The following ANGPT1 variants were observed in gnomAD, a reference collection of about 807,000 sequenced individuals.
ANGPT1 encodes the protein angiopoietin 1, also known as angiopoietin-1.
A neutral mutation model predicts 62.2 loss-of-function variants in ANGPT1; 17 were observed. The observed-to-expected ratio is 0.27, with a 90% confidence interval of 0.19 to 0.41. The LOEUF (loss-of-function observed/expected upper bound fraction) is 0.41, where lower values mean the gene tolerates loss of function less well. Ranked by LOEUF, ANGPT1 falls within the 10% of genes least tolerant of loss-of-function variation. The pLI, the probability that ANGPT1 is intolerant of heterozygous loss-of-function variation, is 1.00. For synonymous variants in ANGPT1, 199 were observed against 198.9 expected, an observed-to-expected ratio of 1.00 and a Z score of 0.00; for missense variants, 478 against 594.9, an observed-to-expected ratio of 0.80 and a Z score of 2.04.
chr8:107,394,967 T>A lies in ANGPT1; in HGVS notation c.298-47870A>T, dbSNP rs188672894. Among the ~76,000 whole-genome samples, 329 of 152,210 alleles carry A rather than the reference T, an allele frequency of 2.2e-3. 5 individuals carry two copies. Among genetic ancestry groups the A allele is most frequent in the East Asian group, 1.9e-3 (10 of 5,186 alleles). On this transcript the variant is annotated intron_variant, in intron 1 of 8. Coordinates refer to ENST00000517746, the MANE Select transcript of ANGPT1 (RefSeq NM_001146.5). ...GACATAGTGATCCAGTTATTTTTTT[T>A]AAAAAGCAGTAGCTCTCTATCTATA...
intron 2 of ANGPT1, among the ~76,000 whole-genome samples, chr8:107,338,573 A>G (rs767082255): frequency 2.0e-5 from 3 of 152,238 alleles, no homozygotes; most frequent in Non-Finnish European, 4.4e-5. Flanking sequence ...AGCCCGTCTA[A>G]AATGTACTAC....
chr8:107,289,816 T>C (rs917754575), intron 6 of ANGPT1, among the ~76,000 whole-genome samples: 5 of 152,132 alleles, frequency 3.3e-5, no homozygotes, highest in African/African-American at 1.2e-4. Flanking sequence ...CATTAGTCAT[T>C]GCCTACAACA....
chr8:107,345,197 T>TA (rs1177657202), intron 2 of ANGPT1, among the ~76,000 whole-genome samples: 6 of 152,230 alleles, frequency 3.9e-5, no homozygotes, highest in African/African-American at 1.4e-4. Flanking sequence ...TCAGCTATCT[T>TA]AAAATTGTTC....
chr8:107,406,966 T>G (rs1817161936), intron 1 of ANGPT1, among the ~76,000 whole-genome samples: 1 of 151,832 alleles, frequency 6.6e-6, no homozygotes, highest in Non-Finnish European at 1.5e-5. Flanking sequence ...GATGAAAGCC[T>G]GCAGTGTATT....
chr8:107,443,406 C>G (rs149629198), intron 1 of ANGPT1, among the ~76,000 whole-genome samples: 237 of 152,248 alleles, frequency 1.6e-3, no homozygotes, highest in African/African-American at 5.5e-3. Flanking sequence ...GGAGATTGAG[C>G]TAAGTCATCA....
At chr8:107,334,941 T>A (rs969340536) in intron 3 of ANGPT1, among the ~76,000 whole-genome samples, 7 of 152,220 alleles carry the variant, frequency 4.6e-5, no homozygotes, top group Admixed American at 1.3e-4. Flanking sequence ...AATGTAACAC[T>A]TAGAAATACA....
intron 1 of ANGPT1, among the ~76,000 whole-genome samples, chr8:107,439,943 G>A (rs1227357833): frequency 5.3e-5 from 8 of 152,140 alleles, no homozygotes; most frequent in Non-Finnish European, 1.2e-4. Flanking sequence ...GACATGGTGG[G>A]TAATTGGAAT....
intron 1 of ANGPT1, among the ~76,000 whole-genome samples, chr8:107,396,868 A>AT (rs1816947561): frequency 6.6e-6 from 1 of 151,938 alleles, no homozygotes; most frequent in Non-Finnish European, 1.5e-5. Flanking sequence ...TTACAGTTTT[A>AT]TTTCCTACTA....
intron 1 of ANGPT1, among the ~76,000 whole-genome samples, chr8:107,474,020 T>C (rs1391626582): frequency 1.3e-5 from 2 of 152,102 alleles, no homozygotes; most frequent in African/African-American, 4.8e-5. Context: ...AAGGAGGAGC[T>C]GGGACCATTC....
At chr8:107,428,863 A>C (rs573168848) in intron 1 of ANGPT1, among the ~76,000 whole-genome samples, 1 of 152,192 alleles carries the variant, frequency 6.6e-6, no homozygotes, top group South Asian at 2.1e-4. Flanking sequence ...CATTCATCCT[A>C]TTATTGTCTT....
At position 107,497,547 on chromosome 8, in the gene ANGPT1, G is replaced by A; in HGVS notation, c.12C>T (p.Phe4=). The A allele has an allele frequency of 1.2e-6, 2 of 1,613,798 alleles. No homozygotes were observed. The highest frequency in any genetic ancestry group is 1.7e-6 in the Non-Finnish European group (2 of 1,179,830). The change falls in exon 1 of 9, where the codon TTC becomes TTT. Residue 4 remains phenylalanine, a synonymous_variant. Transcript: ENST00000517746. ...TGGCAGCGAGGAAAGCAAAGGAAAGGAAAACTGTCATTGTACTGCCAGCAC... is the reference window on the plus strand; with the variant it reads ...TGGCAGCGAGGAAAGCAAAGGAAAGAAAAACTGTCATTGTACTGCCAGCAC... The part of the protein sequence containing the change: MTV[F]LSFAFLAAIL...
chr8:107,444,435 A>C (rs1160343909), intron 1 of ANGPT1, among the ~76,000 whole-genome samples: 1 of 152,232 alleles, frequency 6.6e-6, no homozygotes, highest in Non-Finnish European at 1.5e-5. Flanking sequence ...TCAGCCAATG[A>C]AGAATGTGGC....
chr8:107,298,277 G>A (rs1290625667), intron 5 of ANGPT1, among the ~76,000 whole-genome samples: 1 of 151,870 alleles, frequency 6.6e-6, no homozygotes, highest in Admixed American at 6.6e-5. Flanking sequence ...AATGAAAAGG[G>A]CTTAACCCAT....
intron 1 of ANGPT1, among the ~76,000 whole-genome samples, chr8:107,394,725 A>G (rs1482317895): frequency 6.6e-6 from 1 of 152,162 alleles, no homozygotes; most frequent in Non-Finnish European, 1.5e-5. Flanking sequence ...TATTGCCCAA[A>G]CCATTCAGTC....
chr8:107,347,495 A>G (rs1815831861), intron 1 of ANGPT1, among the ~76,000 whole-genome samples: 1 of 152,150 alleles, frequency 6.6e-6, no homozygotes, highest in Non-Finnish European at 1.5e-5. Context: ...ATGCAGCCAA[A>G]TTCACATACT....
rs575435046 is a variant in ANGPT1 at position 107,497,764 on chromosome 8, A to T, written c.-206T>A. 7 of 600,378 alleles carry T rather than the reference A, an allele frequency of 1.2e-5. No individual in the cohort carries two copies. The highest frequency in any genetic ancestry group is 3.2e-5 in the Admixed American group (1 of 31,122). The allele number at this position is 600,378 out of a possible 1,614,324, so 37.2% of individuals were successfully genotyped here. A position where few individuals can be genotyped will look rare whatever the true frequency, so the allele number is the denominator to read the frequency against. ...TAAAATTTTTTATTTCACTGCAATG[A>T]TGTTTTTCTTCGTTAAAACTTGAGA... On this transcript the variant is annotated 5_prime_UTR_variant, in exon 1 of 9. Transcript: ENST00000517746.
chr8:107,337,015 G>C (rs140848753), intron 2 of ANGPT1, among the ~76,000 whole-genome samples: 1 of 152,268 alleles, frequency 6.6e-6, no homozygotes, highest in African/African-American at 2.4e-5. Flanking sequence ...AGTTTAGAAA[G>C]ACTCATTATC....
At chr8:107,278,265 T>C (rs1813912036) in intron 7 of ANGPT1, among the ~76,000 whole-genome samples, 1 of 151,984 alleles carries the variant, frequency 6.6e-6, no homozygotes, top group East Asian at 1.9e-4. Flanking sequence ...TAATTTTTAA[T>C]AGAGACAAAG....
chr8:107,312,566 G>A (rs1295793766), intron 4 of ANGPT1, among the ~76,000 whole-genome samples: 1 of 152,166 alleles, frequency 6.6e-6, no homozygotes, highest in African/African-American at 2.4e-5. Context: ...GTCACCACAA[G>A]TACGTCACCT....
Sources: gnomAD v4.1 joint callset for allele counts (sites outside exome capture counted in the v4.1 genomes callset) on GRCh38, gnomAD v4.1.1 for gene constraint, MANE v1.5 for transcripts, NCBI Gene and HGNC (gene_info 2026-07-23, HGNC 2026-07-21) for gene names.